The following HSD17B6 variants were observed in gnomAD, a reference collection of about 807,000 sequenced individuals.
The protein encoded by HSD17B6 is 17-beta-hydroxysteroid dehydrogenase type 6.
Under a neutral mutation model 26.4 loss-of-function variants are expected in HSD17B6, and 16 were observed. The ratio of observed to expected loss-of-function variants is 0.61; its 90% confidence interval spans 0.41 to 0.92. The LOEUF is 0.92. HSD17B6 is among the 40% of genes least tolerant of loss of function. The pLI is 0.00. For missense variants in HSD17B6, 357 were observed against 386.1 expected (o/e 0.92, Z 0.63); for synonymous variants, 139 against 153.0 (o/e 0.91, Z 0.68).
chr12:56,767,642 A>AT (rs1565915297), intron 1 of HSD17B6, among the ~76,000 whole-genome samples: 1 of 140,670 alleles, frequency 7.1e-6, no homozygotes, highest in Non-Finnish European at 1.5e-5. Flanking sequence ...TTATATTAAT[A>AT]TATTATATAT....
intron 1 of HSD17B6, among the ~76,000 whole-genome samples, chr12:56,772,148 A>G (rs1257687329): frequency 1.3e-5 from 2 of 151,976 alleles, no homozygotes; most frequent in African/African-American, 2.4e-5. Context: ...CTTATATTTT[A>G]TTCTCTCTAG....
At chr12:56,775,339 T>G (rs1954569120) in intron 2 of HSD17B6, among the ~76,000 whole-genome samples, 1 of 152,192 alleles carries the variant, frequency 6.6e-6, no homozygotes, top group South Asian at 2.1e-4. Context: ...TGCCTCACCC[T>G]TTCAATTAGC....
chr12:56,779,264 A>G (rs570017587), intron 2 of HSD17B6, among the ~76,000 whole-genome samples: 1 of 152,192 alleles, frequency 6.6e-6, no homozygotes, highest in African/African-American at 2.4e-5. Flanking sequence ...CCTCCTGAGT[A>G]TCTAGGATTT....
At chr12:56,784,676 G>A (rs1954835627) in intron 3 of HSD17B6, among the ~76,000 whole-genome samples, 177 bp from the exon 4 acceptor site, 1 of 152,140 alleles carries the variant, frequency 6.6e-6, no homozygotes, top group Non-Finnish European at 1.5e-5. Context: ...GGAAAGAGAG[G>A]GAGAGGGAGA....
At chr12:56,775,225 G>A (rs569431352) in intron 2 of HSD17B6, among the ~76,000 whole-genome samples, 3 of 152,280 alleles carry the variant, frequency 2.0e-5, no homozygotes, top group African/African-American at 7.2e-5. Context: ...CATATTGGAA[G>A]TAGAGTATTT....
At chr12:56,767,805 TATATATA>T (rs1413867268) in intron 1 of HSD17B6, among the ~76,000 whole-genome samples, 1 of 147,262 alleles carries the variant, frequency 6.8e-6, no homozygotes, top group Non-Finnish European at 1.5e-5. Flanking sequence ...TATATGTGTG[TATATATA>T]ATATATATGT....
intron 2 of HSD17B6, 60 bp downstream of exon 2, chr12:56,774,225 G>T (rs1188879437): frequency 4.1e-6 from 6 of 1,449,104 alleles, no homozygotes; most frequent in Non-Finnish European, 4.6e-6. Flanking sequence ...TATATATACA[G>T]TTGTTCCTTG....
chr12:56,773,721 A>T, intron 1 of HSD17B6, 113 bp from the exon 2 acceptor site: 1 of 1,005,106 alleles, frequency 9.9e-7, no homozygotes, highest in Non-Finnish European at 1.4e-6. Context: ...ACTAAGTATT[A>T]ATCAATAAAG....
intron 3 of HSD17B6, 114 bp downstream of exon 3, chr12:56,782,346 A>G: frequency 3.1e-6 from 3 of 981,442 alleles, no homozygotes; most frequent in Non-Finnish European, 4.4e-6. Context: ...ATACATAGAT[A>G]TTATTACTAG....
chr12:56,772,421 G>A (rs531187003), intron 1 of HSD17B6, among the ~76,000 whole-genome samples: 1 of 152,110 alleles, frequency 6.6e-6, no homozygotes, highest in Admixed American at 6.6e-5. Context: ...ATGGCTGGGT[G>A]TGGTGGCTCA....
intron 2 of HSD17B6, among the ~76,000 whole-genome samples, chr12:56,781,542 G>A (rs568569296): frequency 5.6e-4 from 86 of 152,224 alleles, no homozygotes; most frequent in Middle Eastern, 3.4e-3. Flanking sequence ...GGTGGCTCAC[G>A]CCTGTAATCC....
At chr12:56,778,671 TTTC>T (rs1306384042) in intron 2 of HSD17B6, among the ~76,000 whole-genome samples, 1 of 149,790 alleles carries the variant, frequency 6.7e-6, no homozygotes, top group African/African-American at 2.5e-5. Flanking sequence ...TTGGAGTCTT[TTTC>T]TTTTTTTTTT....
chr12:56,780,779 G>T (rs983515554), intron 2 of HSD17B6, among the ~76,000 whole-genome samples: 1 of 150,620 alleles, frequency 6.6e-6, no homozygotes, highest in East Asian at 1.9e-4. Context: ...AACCCGGGGG[G>T]TGGAGCTTGC....
intron 2 of HSD17B6, among the ~76,000 whole-genome samples, chr12:56,779,076 C>A (rs996575167): frequency 1.6e-5 from 2 of 123,410 alleles, no homozygotes; most frequent in Non-Finnish European, 1.6e-5. Context: ...AAAAACTAAT[C>A]CAATCTGACA....
rs1313078289 is a variant in HSD17B6 at position 56,787,159 on chromosome 12, T to C, written c.771T>C (p.Cys257=). Residue 257 remains cysteine (C), a synonymous_variant, in exon 5 of 5, where the codon TGT becomes TGC. Transcript: ENST00000322165. The part of the protein sequence containing the change: ...YNIMKEGLLN[C]STNLNLVTDC... ...TCATGAAGGAAGGGCTGTTGAATTG[T>C]AGCACAAACCTGAACCTGGTCACTG... The C allele has an allele frequency of 5.6e-6, 9 of 1,614,178 alleles. No individual in the cohort carries two copies. Among genetic ancestry groups the C allele is most frequent in the Non-Finnish European group, 7.6e-6 (9 of 1,179,978 alleles).
intron 2 of HSD17B6, among the ~76,000 whole-genome samples, chr12:56,781,671 G>A (rs1263730117): frequency 6.6e-6 from 1 of 152,082 alleles, no homozygotes; most frequent in Non-Finnish European, 1.5e-5. Context: ...GTGTGGTGGT[G>A]CGTGCCTGTA....
At chr12:56,775,152 T>C (rs1954564487) in intron 2 of HSD17B6, among the ~76,000 whole-genome samples, 2 of 152,216 alleles carry the variant, frequency 1.3e-5, no homozygotes, top group Non-Finnish European at 2.9e-5. Flanking sequence ...TGGCGTTTCA[T>C]TTCCTTAACA....
At chr12:56,775,948 A>T (rs1261145879) in intron 2 of HSD17B6, among the ~76,000 whole-genome samples, 2 of 152,160 alleles carry the variant, frequency 1.3e-5, no homozygotes, top group Non-Finnish European at 2.9e-5. Context: ...TTTTTGAGAC[A>T]GAATTTCACT....
intron 3 of HSD17B6, among the ~76,000 whole-genome samples, chr12:56,783,096 C>G (rs1424133964): frequency 6.6e-6 from 1 of 152,258 alleles, no homozygotes; most frequent in African/African-American, 2.4e-5. Flanking sequence ...CCACCTTGCC[C>G]CCTTTTCTAT....
Sources: allele counts gnomAD v4.1 joint callset (sites outside exome capture counted in the v4.1 genomes callset), GRCh38; gene constraint gnomAD v4.1.1; transcripts MANE v1.5; gene names NCBI Gene and HGNC (gene_info 2026-07-23, HGNC 2026-07-21).